The following NRXN2 variants were observed in gnomAD, a reference collection of about 807,000 sequenced individuals.
NRXN2 encodes the protein neurexin 2.
In NRXN2, 29 loss-of-function variants were observed where a neutral mutation model predicts 128.8. That is an observed-to-expected ratio of 0.23 (90% CI 0.17 to 0.31). The LOEUF is 0.31. Ranked by LOEUF, NRXN2 falls within the 10% of genes least tolerant of loss-of-function variation. NRXN2 has a pLI of 1.00. For missense variants in NRXN2, 1,881 were observed against 2,452.6 expected (o/e 0.77, Z 4.92); for synonymous variants, 1,098 against 1,075.2 (o/e 1.02, Z -0.41).
At chr11:64,636,365 T>C (rs1430771853) in intron 17 of NRXN2, among the ~76,000 whole-genome samples, 1 of 132,110 alleles carries the variant, frequency 7.6e-6, no homozygotes, top group Non-Finnish European at 1.6e-5. Context: ...TTAGTCGCCA[T>C]GTTCCCTCCT....
intron 6 of NRXN2, among the ~76,000 whole-genome samples, chr11:64,682,946 G>A (rs906087638): frequency 1.3e-5 from 2 of 152,114 alleles, no homozygotes; most frequent in Non-Finnish European, 2.9e-5. Context: ...TGATTCCAGG[G>A]ATAATTACCA....
Position 64,713,707 on chromosome 11 carries a change from G to GCGGCCC in NRXN2, c.-14_-9dup, listed in dbSNP as rs2057177087. 2 of 1,079,346 alleles carry GCGGCCC rather than the reference G, an allele frequency of 1.9e-6. No homozygotes were observed. The highest frequency in any genetic ancestry group is 5.3e-5 in the Admixed American group (1 of 18,956). 66.9% of individuals were successfully genotyped at this position (1,079,346 alleles called of 1,614,324 possible). A position where few individuals can be genotyped will look rare whatever the true frequency, so the allele number is the denominator to read the frequency against. ...CCGGCTCCCGGACGCCATGCCTACGGCGGCCCCGGCCCCGCCCGGCCCCCG... is the reference window on the plus strand; with the variant it reads ...CCGGCTCCCGGACGCCATGCCTACGGCGGCCCCGGCCCCGGCCCCGCCCGGCCCCCG... On this transcript the variant is annotated 5_prime_UTR_variant, in exon 2 of 23. Transcript: ENST00000265459.
At chr11:64,654,311 C>T (rs1565314381) in intron 11 of NRXN2, among the ~76,000 whole-genome samples, 1 of 152,192 alleles carries the variant, frequency 6.6e-6, no homozygotes. Flanking sequence ...ACCTTCCTTC[C>T]ACCCTTTCCA....
At chr11:64,698,304 ACT>A (rs1379070460) in intron 2 of NRXN2, among the ~76,000 whole-genome samples, 2 of 152,194 alleles carry the variant, frequency 1.3e-5, no homozygotes, top group Non-Finnish European at 2.9e-5. Context: ...AGTGACACAC[ACT>A]GTCTCACACA....
chr11:64,631,708 C>T lies in NRXN2; in HGVS notation c.3586-1135G>A, dbSNP rs2043935275. On this transcript the variant is annotated intron_variant, in intron 18 of 22. Coordinates refer to ENST00000265459, the MANE Select transcript of NRXN2 (RefSeq NM_015080.4). This position sits in a 1 kb window ranked among gnomAD's most constrained non-coding sequence, Gnocchi z 4.8. The stretch of plus-strand genomic sequence containing the variant: ...AGCCAGTGTTCTCTCCCTTTGCCCA[C>T]CAGTCTAGGAAGACCCTGACTCAAG... Among the ~76,000 whole-genome samples, 1 of 152,074 alleles carries T rather than the reference C, an allele frequency of 6.6e-6. No individual in the cohort carries two copies. Among genetic ancestry groups the T allele is most frequent in the Non-Finnish European group, 1.5e-5 (1 of 68,018 alleles).
rs777821334 is a variant in NRXN2, at chr11:64,607,668, G to A, written c.4667C>T (p.Pro1556Leu). Residue 1556 changes from proline (P) to leucine (L), a missense_variant, in exon 23 of 23, where the codon CCG becomes CTG. Around this residue, in one of 7 missense-constraint regions of NRXN2, gnomAD observed 310 missense variants for 318.2 expected, o/e 0.97. Coordinates refer to ENST00000265459, the MANE Select transcript of NRXN2 (RefSeq NM_015080.4). Reference protein sequence around the residue: ...APGVLFAPSAPAPNLPAGKMN... With the variant: ...APGVLFAPSALAPNLPAGKMN... The stretch of plus-strand genomic sequence containing the variant: ...TTTGCCCGCCGGCAGGTTGGGGGCC[G>A]GGGCGGAGGGGGCAAACAGCACCCC... The A allele has an allele frequency of 2.0e-6, 3 of 1,525,960 alleles. No individual in the cohort carries two copies. The highest frequency in any genetic ancestry group is 2.6e-6 in the Non-Finnish European group (3 of 1,133,352). 94.5% of individuals were successfully genotyped at this position (1,525,960 alleles called of 1,614,324 possible).
rs2047414242 is a variant in NRXN2 at position 64,651,188 on chromosome 11, GCTGTATGTGGTT to G, written c.2918+55_2918+66del. 5 of 1,602,812 alleles carry G rather than the reference GCTGTATGTGGTT, an allele frequency of 3.1e-6. No homozygotes were observed. The highest frequency in any genetic ancestry group is 4.3e-6 in the Non-Finnish European group (5 of 1,174,192). The stretch of plus-strand genomic sequence containing the variant: ...GACACCTCGGCCAGTAGCCAGGAGA[GCTGTATGTGGTT>G]CAGCAGGGGGAGGGGGCCACCTCCT... On this transcript the variant is annotated intron_variant, in intron 14 of 22. Coordinates refer to ENST00000265459, the MANE Select transcript of NRXN2 (RefSeq NM_015080.4). The surrounding 1 kb of genome is among the most constrained non-coding windows in gnomAD (Gnocchi z 5.9).
At chr11:64,615,855 T>C (rs56093838) in intron 22 of NRXN2, among the ~76,000 whole-genome samples, 9 of 78,022 alleles carry the variant, frequency 1.2e-4, no homozygotes, top group Non-Finnish European at 1.5e-4. Context: ...TGTGTGTGTG[T>C]GTGTGTGTGT....
intron 14 of NRXN2, among the ~76,000 whole-genome samples, chr11:64,650,934 C>T (rs571404514): frequency 4.6e-5 from 7 of 152,228 alleles, no homozygotes; most frequent in African/African-American, 1.7e-4. Context: ...GAGGCAGGGA[C>T]TGGGCTGCTC....
intron 2 of NRXN2, among the ~76,000 whole-genome samples, chr11:64,702,675 G>A (rs1373658147): frequency 6.6e-6 from 1 of 151,426 alleles, no homozygotes; most frequent in Non-Finnish European, 1.5e-5. Flanking sequence ...GAAGGCCGCA[G>A]GGTCCTCTGC....
intron 7 of NRXN2, among the ~76,000 whole-genome samples, chr11:64,671,122 A>G (rs920890701): frequency 2.6e-5 from 4 of 152,042 alleles, no homozygotes; most frequent in African/African-American, 9.7e-5. Flanking sequence ...CTTTTTGCAG[A>G]TCACTCCCAT....
chr11:64,649,009 C>A (rs565870297), intron 15 of NRXN2, 102 bp from the exon 16 acceptor site: 1 of 1,216,140 alleles, frequency 8.2e-7, no homozygotes, highest in Non-Finnish European at 1.2e-6. Context: ...AGGTTCTCTG[C>A]GTTCCATCCC....
intron 4 of NRXN2, among the ~76,000 whole-genome samples, chr11:64,691,490 T>C (rs1051982050): frequency 1.6e-4 from 24 of 152,296 alleles, no homozygotes; most frequent in African/African-American, 5.5e-4. Context: ...GAAAACTCAG[T>C]GATGAAGGGG....
At chr11:64,668,312 G>A (rs969159059) in intron 8 of NRXN2, 131 bp downstream of exon 8, 62 of 1,144,430 alleles carry the variant, frequency 5.4e-5, no homozygotes, top group Non-Finnish European at 7.0e-5. Flanking sequence ...TTTTAAAGAG[G>A]GGGTGTCTCC....
chr11:64,657,111 C>T (rs970993490), intron 11 of NRXN2, among the ~76,000 whole-genome samples: 11 of 152,170 alleles, frequency 7.2e-5, no homozygotes, highest in African/African-American at 2.7e-4. Flanking sequence ...AGGCCAGAGA[C>T]CAAGCCTCAC....
chr11:64,617,881 G>A (rs918470757), intron 22 of NRXN2, among the ~76,000 whole-genome samples: 1 of 152,208 alleles, frequency 6.6e-6, no homozygotes, highest in Non-Finnish European at 1.5e-5. Flanking sequence ...AAGCATGTGC[G>A]ATGCAGGCTT....
chr11:64,688,405 A>G, intron 5 of NRXN2: 13 of 985,456 alleles, frequency 1.3e-5, no homozygotes, highest in Non-Finnish European at 1.6e-5. Flanking sequence ...TGTGGAAAGA[A>G]AACCCGAAGA....
chr11:64,637,716 A>G (rs1431553022), intron 17 of NRXN2, among the ~76,000 whole-genome samples: 1 of 151,992 alleles, frequency 6.6e-6, no homozygotes, highest in Non-Finnish European at 1.5e-5. Flanking sequence ...GGGTTTCTTG[A>G]TCCCTCAGAC....
chr11:64,722,720 A>G (rs2057465608), intron 1 of NRXN2, among the ~76,000 whole-genome samples: 1 of 129,864 alleles, frequency 7.7e-6, no homozygotes, highest in Non-Finnish European at 1.6e-5. Flanking sequence ...TCCCCCAAAG[A>G]CCCTTCCTCC....
Sources: allele counts gnomAD v4.1 joint callset (sites outside exome capture counted in the v4.1 genomes callset), GRCh38; gene constraint gnomAD v4.1.1; regional missense constraint gnomAD v4.1.1; non-coding constraint Gnocchi (gnomAD v3.1); transcripts MANE v1.5; gene names NCBI Gene and HGNC (gene_info 2026-07-23, HGNC 2026-07-21).